Variants in RAB32 observed in about 807,000 individuals in gnomAD.
RAB32 encodes the protein RAB32, member RAS oncogene family, also known as ras-related protein Rab-32.
A neutral mutation model predicts 17.5 loss-of-function variants in RAB32; 17 were observed. The observed-to-expected ratio is 0.97, with a 90% CI of 0.67 to 1.46. RAB32 has a LOEUF of 1.46. Ranked by LOEUF, RAB32 falls within the 40% of genes most tolerant of loss-of-function variation. The pLI, the probability that RAB32 is intolerant of heterozygous loss-of-function variation, is 0.00. For missense variants in RAB32, 288 were observed against 284.3 expected (o/e 1.01, Z -0.09); for synonymous variants, 115 against 111.1 (o/e 1.04, Z -0.22).
Position 146,549,757 on chromosome 6 carries a change from C to T in RAB32, c.528+16C>T, listed in dbSNP as rs1312251988. 6.2e-7 allele frequency: 1 copy of T among 1,605,036 alleles called. No homozygotes were observed. ...CTCTGCAAAGGTGAGATCTGCTTTG[C>T]TTATGCATCTTTTGCTTTCTAGCTC... is the stretch of plus-strand genomic sequence containing the variant. On this transcript the variant is annotated intron_variant, in intron 2 of 2. Transcript: ENST00000367495.
intron 1 of RAB32, among the ~76,000 whole-genome samples, chr6:146,546,390 C>T (rs1262364907): frequency 6.6e-6 from 1 of 150,902 alleles, no homozygotes; most frequent in Admixed American, 6.6e-5. Context: ...TTTAATATCT[C>T]TGAATATGAG....
In RAB32 at chr6:146,543,921, C is replaced by T. The variant is rs1307644330; in HGVS notation, c.50C>T (p.Pro17Leu). 3.1e-6 allele frequency: 5 copies of T among 1,600,448 alleles called. No homozygotes were observed. Among genetic ancestry groups the T allele is most frequent in the African/African-American group, 2.7e-5 (2 of 73,688 alleles). Reference sequence around the variant, plus strand: ...CCCGGCCTGGGGGCGGCCGCCGCCCCAGCGCCCGAGACCCGCGAGCACCTC... The same window carrying T: ...CCCGGCCTGGGGGCGGCCGCCGCCCTAGCGCCCGAGACCCGCGAGCACCTC... The part of the protein sequence containing the change: ...GDPGLGAAAA[P>L]APETREHLFK... The change falls in exon 1 of 3, where the codon CCA becomes CTA. Residue 17 changes from proline to leucine, a missense_variant. Physicochemically the swap from Pro to Leu is moderately conservative, Grantham distance 98. Coordinates refer to ENST00000367495, the MANE Select transcript of RAB32 (RefSeq NM_006834.5).
Position 146,544,104 on chromosome 6 carries a change from A to G in RAB32, c.233A>G (p.Gln78Arg), listed in dbSNP as rs749777622. The G allele has an allele frequency of 1.1e-5, 18 of 1,612,136 alleles. No individual in the cohort carries two copies. The highest frequency in any genetic ancestry group is 1.1e-5 in the Non-Finnish European group (13 of 1,179,214). The change falls in exon 1 of 3, where the codon CAG becomes CGG. Residue 78 changes from glutamine to arginine, a missense_variant. By Grantham distance (43) the Gln-to-Arg change is conservative. Transcript: ENST00000367495. ...GACAGCAGGACTCTGGTGCGCCTGC[A>G]GCTGTGGGACATCGCGGGTAAGCGC... ...NWDSRTLVRL[Q>R]LWDIAGQERF...
chr6:146,549,234 A>G (rs1249765440), intron 1 of RAB32, among the ~76,000 whole-genome samples: 2 of 152,218 alleles, frequency 1.3e-5, no homozygotes, highest in South Asian at 2.1e-4. Context: ...TATGGAGAAT[A>G]TGTTGTACAG....
intron 1 of RAB32, among the ~76,000 whole-genome samples, chr6:146,548,528 CTG>C (rs952454835): frequency 2.0e-5 from 3 of 152,152 alleles, no homozygotes. Flanking sequence ...TTCCTTCACA[CTG>C]TAGTCAGTAA....
At chr6:146,546,965 CAG>C (rs1407799287) in intron 1 of RAB32, among the ~76,000 whole-genome samples, 4 of 152,168 alleles carry the variant, frequency 2.6e-5, no homozygotes, top group Non-Finnish European at 5.9e-5. Context: ...CTGTGATCCT[CAG>C]ATACACAAAT....
rs756733331 is a variant in RAB32 at position 146,549,463 on chromosome 6, G to C, written c.251-1G>C. On this transcript the variant is annotated splice_acceptor_variant, in intron 1 of 2. Coordinates refer to ENST00000367495, the MANE Select transcript of RAB32 (RefSeq NM_006834.5). LOFTEE classifies it high-confidence loss of function. ...TAATTTTTTCTTATATTTATGTCTA[G>C]GGCAGGAGCGATTTGGCAACATGAC... is the stretch of plus-strand genomic sequence containing the variant. 1 of 1,612,842 alleles carries C rather than the reference G, an allele frequency of 6.2e-7. No homozygotes were observed. The highest frequency in any genetic ancestry group is 1.1e-5 in the South Asian group (1 of 90,958).
chr6:146,549,356 T>C, intron 1 of RAB32, 108 bp from the exon 2 acceptor site: 1 of 838,876 alleles, frequency 1.2e-6, no homozygotes, highest in Non-Finnish European at 1.9e-6. Context: ...TGCTGTGGAA[T>C]GGAAGACATT....
In RAB32 at chr6:146,546,879, G is replaced by T. The variant is rs182246186; in HGVS notation, c.251-2585G>T. Reference sequence around the variant, plus strand: ...TATGCTTGAAAGCTGTGGCAAGTATGATAGGCTAGAATTATCAAATGTTTT... The same window carrying T: ...TATGCTTGAAAGCTGTGGCAAGTATTATAGGCTAGAATTATCAAATGTTTT... On this transcript the variant is annotated intron_variant, in intron 1 of 2. Coordinates refer to ENST00000367495, the MANE Select transcript of RAB32 (RefSeq NM_006834.5). 1.2e-3 allele frequency among the ~76,000 whole-genome samples: 168 copies of T among 144,056 alleles called. 1 individual carries two copies. The highest frequency in any genetic ancestry group is 4.8e-3 in the East Asian group (22 of 4,552). The allele number at this position is 144,056 out of a possible 152,430, so 94.5% of individuals were successfully genotyped here. A position where few individuals can be genotyped will look rare whatever the true frequency, so the allele number is the denominator to read the frequency against.
In RAB32 at chr6:146,554,541, A is replaced by G; in HGVS notation, c.614A>G (p.Asp205Gly). 6.2e-7 allele frequency: 1 copy of G among 1,613,982 alleles called. No individual in the cohort carries two copies. The highest frequency in any genetic ancestry group is 8.5e-7 in the Non-Finnish European group (1 of 1,179,876). Residue 205 changes from aspartate to glycine, a missense_variant, in exon 3 of 3, where the codon GAT becomes GGT. Asp to Gly is a moderately conservative substitution (Grantham distance 94). Coordinates refer to ENST00000367495, the MANE Select transcript of RAB32 (RefSeq NM_006834.5). The part of the protein sequence containing the change: ...NHQSFPNEEN[D>G]VDKIKLDQET... Reference sequence around the variant, plus strand: ...CAAAGCTTTCCTAATGAAGAAAACGATGTGGACAAAATTAAGCTAGATCAA... The same window carrying G: ...CAAAGCTTTCCTAATGAAGAAAACGGTGTGGACAAAATTAAGCTAGATCAA...
At chr6:146,547,738 AAAG>A (rs1243160436) in intron 1 of RAB32, among the ~76,000 whole-genome samples, 16 of 151,548 alleles carry the variant, frequency 1.1e-4, no homozygotes, top group African/African-American at 3.9e-4. Flanking sequence ...AAAAAAAAAA[AAAG>A]CAACAGTCAC....
chr6:146,544,046 G>C lies in RAB32; in HGVS notation c.175G>C (p.Gly59Arg). The change falls in exon 1 of 3, where the codon GGG (glycine) becomes CGG (arginine). Residue 59 changes from glycine to arginine, a missense_variant. Gly to Arg is a moderately radical substitution (Grantham distance 125, BLOSUM62 -2). Coordinates refer to ENST00000367495, the MANE Select transcript of RAB32 (RefSeq NM_006834.5). ...CTCCCAGCACTACCGGGCCACCATCGGGGTGGACTTCGCCCTCAAGGTCCT... is the reference window on the plus strand; with the variant it reads ...CTCCCAGCACTACCGGGCCACCATCCGGGTGGACTTCGCCCTCAAGGTCCT... ...LFSQHYRATI[G>R]VDFALKVLNW... 6.2e-7 allele frequency: 1 copy of C among 1,613,844 alleles called. No individual in the cohort carries two copies. The highest frequency in any genetic ancestry group is 8.5e-7 in the Non-Finnish European group (1 of 1,179,942).
intron 1 of RAB32, among the ~76,000 whole-genome samples, 169 bp downstream of exon 1, chr6:146,544,290 G>C (rs891875008): frequency 6.6e-6 from 1 of 152,150 alleles, no homozygotes; most frequent in African/African-American, 2.4e-5. Context: ...GGCTGGACTC[G>C]GTGGGGCCCA....
intron 1 of RAB32, 87 bp downstream of exon 1, chr6:146,544,208 A>T (rs1047385275): frequency 4.1e-6 from 6 of 1,453,300 alleles, no homozygotes; most frequent in African/African-American, 1.4e-5. Context: ...TTTCTGCCTG[A>T]ACTCGTCTGC....
intron 2 of RAB32, among the ~76,000 whole-genome samples, chr6:146,554,083 G>T (rs556683987): frequency 6.6e-6 from 1 of 152,148 alleles, no homozygotes; most frequent in Admixed American, 6.5e-5. Flanking sequence ...TTTTCACAGT[G>T]TATCCTGACT....
Position 146,544,018 on chromosome 6 carries a change from C to G in RAB32, c.147C>G (p.Leu49=). The change falls in exon 1 of 3, where the codon CTC becomes CTG. Residue 49 remains leucine, a synonymous_variant. Coordinates refer to ENST00000367495, the MANE Select transcript of RAB32 (RefSeq NM_006834.5). Reference sequence around the variant, plus strand: ...TCATCAAGCGCTACGTCCACCAGCTCTTCTCCCAGCACTACCGGGCCACCA... The same window carrying G: ...TCATCAAGCGCTACGTCCACCAGCTGTTCTCCCAGCACTACCGGGCCACCA... ...TSIIKRYVHQ[L]FSQHYRATIG... is the part of the protein sequence containing the mutation. 1 of 1,613,964 alleles carries G rather than the reference C, an allele frequency of 6.2e-7. No homozygotes were observed. Among genetic ancestry groups the G allele is most frequent in the Non-Finnish European group, 8.5e-7 (1 of 1,179,974 alleles).
intron 1 of RAB32, among the ~76,000 whole-genome samples, chr6:146,546,666 C>A (rs1349531661): frequency 6.6e-6 from 1 of 151,490 alleles, no homozygotes; most frequent in African/African-American, 2.4e-5. Context: ...TATGTAGTAA[C>A]AAAGTTGGAT....
At chr6:146,550,401 C>A (rs1159750751) in intron 2 of RAB32, among the ~76,000 whole-genome samples, 1 of 152,100 alleles carries the variant, frequency 6.6e-6, no homozygotes, top group Non-Finnish European at 1.5e-5. Context: ...GTAATCCTAG[C>A]AGTCTGGGAG....
In RAB32 at chr6:146,554,830, A is replaced by G. The variant is rs552014495; in HGVS notation, c.*225A>G. 1.9e-5 allele frequency: 8 copies of G among 419,286 alleles called. No individual in the cohort carries two copies. The East Asian group carries it at 2.6e-4, about 13-fold the overall frequency. 26.0% of individuals were successfully genotyped at this position (419,286 alleles called of 1,614,324 possible). ...TTAGGCTTTTGTCATTGTTGCCATC[A>G]TATGGAAGATAATGTTTACATCCTT... On this transcript the variant is annotated 3_prime_UTR_variant, in exon 3 of 3. Transcript: ENST00000367495.
Sources: allele counts gnomAD v4.1 joint callset (sites outside exome capture counted in the v4.1 genomes callset), GRCh38; gene constraint gnomAD v4.1.1; transcripts MANE v1.5; gene names NCBI Gene and HGNC (gene_info 2026-07-23, HGNC 2026-07-21).